ACSL1: variants seen among roughly 807,000 people sequenced by gnomAD.
The protein encoded by ACSL1 is acyl-CoA synthetase long chain family member 1.
A neutral mutation model predicts 98.4 loss-of-function variants in ACSL1; 41 were observed. That is an observed-to-expected ratio of 0.42 (90% CI 0.32 to 0.54). ACSL1 has a LOEUF of 0.54. ACSL1 is among the 20% of genes least tolerant of loss of function. The pLI, the probability that ACSL1 is intolerant of heterozygous loss-of-function variation, is 0.13. For missense variants in ACSL1, 734 were observed against 883.1 expected (o/e 0.83, Z 2.14); for synonymous variants, 316 against 322.7 (o/e 0.98, Z 0.22).
At chr4:184,780,510 G>C (rs1766071637) in intron 4 of ACSL1, 77 bp from the exon 5 acceptor site, 2 of 1,032,184 alleles carry the variant, frequency 1.9e-6, no homozygotes, top group Admixed American at 3.7e-5. Context: ...CGGCAGGCTT[G>C]TATCTCAGCC....
In ACSL1 at chr4:184,773,226, A is replaced by C. The variant is rs1764768923; in HGVS notation, c.842-72T>G. On this transcript the variant is annotated intron_variant, in intron 9 of 20. Coordinates refer to ENST00000281455, the MANE Select transcript of ACSL1 (RefSeq NM_001995.5). This position sits in a 1 kb window ranked among gnomAD's most constrained non-coding sequence, Gnocchi z 4.3. ...TGAAGGAGGCCCAGAAACCTCACAT[A>C]ATTAGGGCTTCAGACACCTCTACTG... The C allele has an allele frequency of 1.4e-6, 2 of 1,397,330 alleles. No individual in the cohort carries two copies. Among genetic ancestry groups the C allele is most frequent in the Non-Finnish European group, 2.0e-6 (2 of 990,084 alleles). The allele number at this position is 1,397,330 out of a possible 1,614,324, so 86.6% of individuals were successfully genotyped here.
At chr4:184,758,353 G>A (rs552036645) in intron 18 of ACSL1, 21 of 173,696 alleles carry the variant, frequency 1.2e-4, no homozygotes, top group East Asian at 3.4e-4. Flanking sequence ...CCAGGAGTTC[G>A]AGACCAGTCT....
At chr4:184,808,536 T>C in intron 1 of ACSL1, 8 of 982,882 alleles carry the variant, frequency 8.1e-6, no homozygotes, top group African/African-American at 1.7e-5. Flanking sequence ...GATGCTGCCA[T>C]TCCGTGCCCC....
In ACSL1 at chr4:184,756,869, T is replaced by C; in HGVS notation, c.*256A>G. The C allele has an allele frequency of 2.9e-6, 1 of 345,638 alleles. No homozygotes were observed. Among genetic ancestry groups the C allele is most frequent in the Admixed American group, 4.3e-5 (1 of 23,238 alleles). The allele number at this position is 345,638 out of a possible 1,614,324, so 21.4% of individuals were successfully genotyped here. A position where few individuals can be genotyped will look rare whatever the true frequency, so the allele number is the denominator to read the frequency against. ...AGTCTCAAATAACTTAGCACATTTA[T>C]AGTATCCCCTTTACAATTTTTAAGG... is the stretch of plus-strand genomic sequence containing the variant. On this transcript the variant is annotated 3_prime_UTR_variant, in exon 21 of 21. Transcript: ENST00000281455.
chr4:184,821,002 G>A (rs751294455), intron 1 of ACSL1: 19 of 456,052 alleles, frequency 4.2e-5, no homozygotes, highest in African/African-American at 3.8e-4. Context: ...TTCTGGTATG[G>A]GGAACTTAAT....
chr4:184,797,171 G>A (rs554075595), intron 2 of ACSL1, among the ~76,000 whole-genome samples: 3 of 151,404 alleles, frequency 2.0e-5, no homozygotes, highest in East Asian at 1.9e-4. Context: ...CGCTCACAGC[G>A]GGCCCCAGCC....
chr4:184,760,302 T>TACC, intron 18 of ACSL1, 55 bp downstream of exon 18: 1 of 1,589,664 alleles, frequency 6.3e-7, no homozygotes, highest in South Asian at 1.1e-5. Context: ...GCCCCTGGAG[T>TACC]ACCAGGCAAT....
chr4:184,790,712 C>A (rs1466687687), intron 2 of ACSL1, among the ~76,000 whole-genome samples: 1 of 152,164 alleles, frequency 6.6e-6, no homozygotes, highest in African/African-American at 2.4e-5. Flanking sequence ...CATCATGAGT[C>A]CACTTCCAGG....
At chr4:184,775,843 C>T (rs115587036) in intron 7 of ACSL1, among the ~76,000 whole-genome samples, 1,693 of 152,290 alleles carry the variant, frequency 0.011, 31 homozygotes, top group African/African-American at 0.038. Flanking sequence ...ATGAAAAGAT[C>T]TTCCTCCGGC....
chr4:184,790,246 T>C (rs937885391), intron 2 of ACSL1, among the ~76,000 whole-genome samples: 4 of 152,222 alleles, frequency 2.6e-5, no homozygotes, highest in African/African-American at 4.8e-5. Flanking sequence ...TCCTACAAGC[T>C]CTTTTGCTTT....
intron 1 of ACSL1, among the ~76,000 whole-genome samples, chr4:184,818,586 G>A (rs767707421): frequency 2.6e-5 from 4 of 152,144 alleles, no homozygotes; most frequent in Non-Finnish European, 4.4e-5. Flanking sequence ...ATCGGAACCT[G>A]CCCTACCCTC....
Position 184,756,998 on chromosome 4 carries a change from A to T in ACSL1, c.*127T>A. The T allele has an allele frequency of 3.9e-5, 48 of 1,222,000 alleles. No individual in the cohort carries two copies. Among genetic ancestry groups the T allele is most frequent in the Non-Finnish European group, 5.3e-5 (47 of 894,464 alleles). 75.7% of individuals were successfully genotyped at this position (1,222,000 alleles called of 1,614,324 possible). A position where few individuals can be genotyped will look rare whatever the true frequency, so the allele number is the denominator to read the frequency against. On this transcript the variant is annotated 3_prime_UTR_variant, in exon 21 of 21. Coordinates refer to ENST00000281455, the MANE Select transcript of ACSL1 (RefSeq NM_001995.5). ...AGCATTCCTATGAGAAGAACCCCGA[A>T]TGGACAAGTCAAACACGAACGCTTC...
chr4:184,811,272 C>A (rs1356572750), intron 1 of ACSL1, among the ~76,000 whole-genome samples: 1 of 150,700 alleles, frequency 6.6e-6, no homozygotes, highest in South Asian at 2.1e-4. Context: ...CCACGCCTGG[C>A]TAATTTTTTT....
At chr4:184,784,331 G>A (rs1157205003) in intron 3 of ACSL1, among the ~76,000 whole-genome samples, 7 of 152,194 alleles carry the variant, frequency 4.6e-5, no homozygotes, top group Non-Finnish European at 1.0e-4. Context: ...AAGAGAACCT[G>A]CTGTAGTGGT....
At position 184,773,684 on chromosome 4, in the gene ACSL1, A is replaced by C. The variant is rs1404057155; in HGVS notation, c.820T>G (p.Cys274Gly). 5.0e-6 allele frequency: 8 copies of C among 1,612,526 alleles called. No individual in the cohort carries two copies. Among genetic ancestry groups the C allele is most frequent in the Middle Eastern group, 3.3e-4 (2 of 6,054 alleles). Residue 274 changes from cysteine (C) to glycine (G), a missense_variant, in exon 9 of 21, where the codon TGT becomes GGT. By Grantham distance (159) the Cys-to-Gly change is radical. Transcript: ENST00000281455. This position sits in a 1 kb window ranked among gnomAD's most constrained non-coding sequence, Gnocchi z 4.3. ...TCACCTGTAGTTCCACTTGTGAAAC[A>C]AATTACTGCAAGATCTTCAGGTGCT... Reference protein sequence around the residue: ...PPAPEDLAVICFTSGTTGNPK... With the variant: ...PPAPEDLAVIGFTSGTTGNPK...
At position 184,773,943 on chromosome 4, in the gene ACSL1, G is replaced by C. The variant is rs1374322174; in HGVS notation, c.757-68C>G. ...TAACTGTAAAGGATAAGGTCACATC[G>C]AGTCACTTAAAGCTGGCTTTACTGT... On this transcript the variant is annotated intron_variant, in intron 7 of 20. Transcript: ENST00000281455. This position sits in a 1 kb window ranked among gnomAD's most constrained non-coding sequence, Gnocchi z 4.3. 5 of 1,575,668 alleles carry C rather than the reference G, an allele frequency of 3.2e-6. No individual in the cohort carries two copies. The highest frequency in any genetic ancestry group is 2.0e-4 in the Middle Eastern group (1 of 5,014).
intron 1 of ACSL1, among the ~76,000 whole-genome samples, chr4:184,804,088 G>C (rs1443275585): frequency 6.6e-6 from 1 of 152,138 alleles, no homozygotes; most frequent in Non-Finnish European, 1.5e-5. Context: ...CTCCTCACAC[G>C]ACAACAGTGG....
intron 2 of ACSL1, among the ~76,000 whole-genome samples, chr4:184,802,511 G>A (rs1038801686): frequency 1.6e-4 from 24 of 152,280 alleles, no homozygotes; most frequent in African/African-American, 5.8e-4. Context: ...AGCGACCACA[G>A]AGAAAACCAA....
In ACSL1 at chr4:184,783,907, C is replaced by A. The variant is rs1220429992; in HGVS notation, c.375+20G>T. 6.2e-7 allele frequency: 1 copy of A among 1,609,210 alleles called. No individual in the cohort carries two copies. The highest frequency in any genetic ancestry group is 1.3e-5 in the African/African-American group (1 of 74,784). Reference sequence around the variant, plus strand: ...CTGCTTGCAAGAGGAGTCCACAGAGCCTGTCTCATACAAACTCACCTGTTT... The same window carrying A: ...CTGCTTGCAAGAGGAGTCCACAGAGACTGTCTCATACAAACTCACCTGTTT... On this transcript the variant is annotated intron_variant, in intron 4 of 20. Transcript: ENST00000281455.
Sources: allele counts gnomAD v4.1 joint callset (sites outside exome capture counted in the v4.1 genomes callset), GRCh38; gene constraint gnomAD v4.1.1; non-coding constraint Gnocchi (gnomAD v3.1); transcripts MANE v1.5; gene names NCBI Gene and HGNC (gene_info 2026-07-23, HGNC 2026-07-21).